RABGAP1: variants seen among roughly 807,000 people sequenced by gnomAD.
RABGAP1 encodes RAB GTPase activating protein 1, also known as rab GTPase-activating protein 1.
Under a neutral mutation model 137.6 loss-of-function variants are expected in RABGAP1, and 23 were observed. The ratio of observed to expected loss-of-function variants is 0.17; its 90% CI spans 0.12 to 0.24. The LOEUF is 0.24. Among genes scored for constraint, RABGAP1 ranks in the 10% least tolerant of loss-of-function variants. RABGAP1 has a pLI of 1.00. For synonymous variants in RABGAP1, 451 were observed against 450.7 expected (o/e 1.00, Z -0.01); for missense variants, 906 against 1,275.8 (o/e 0.71, Z 4.42).
chr9:122,938,043 A>C (rs1178191575), upstream of RABGAP1: 1 of 152,212 alleles, frequency 6.6e-6, no homozygotes, highest in Non-Finnish European at 1.5e-5. Context: ...AACTGAAATG[A>C]AAAATTTACA....
At chr9:123,016,983 AT>A (rs1416287896) in intron 12 of RABGAP1, among the ~76,000 whole-genome samples, 2 of 152,232 alleles carry the variant, frequency 1.3e-5, no homozygotes, top group Non-Finnish European at 1.5e-5. Flanking sequence ...CCAAAGCACG[AT>A]TTGTCTTTAC....
chr9:123,066,974 A>G (rs1224839898), intron 14 of RABGAP1, among the ~76,000 whole-genome samples: 2 of 152,058 alleles, frequency 1.3e-5, no homozygotes, highest in African/African-American at 4.8e-5. Context: ...CTTTTTTCTA[A>G]AGTACTTTAA....
rs571913986 is a variant in RABGAP1 at position 122,942,366 on chromosome 9, A to G, written c.-50+1273A>G. On this transcript the variant is annotated intron_variant, in intron 1 of 25. Transcript: ENST00000373647. Reference sequence around the variant, plus strand: ...TTTAATATGTATTGAAGACTTAACTAGAGCTTACTTATGAAAACTGAAAAT... The same window carrying G: ...TTTAATATGTATTGAAGACTTAACTGGAGCTTACTTATGAAAACTGAAAAT... Among the ~76,000 whole-genome samples the G allele has an allele frequency of 2.3e-4, 35 of 152,330 alleles. No homozygotes were observed. The South Asian group carries it at 6.4e-3, about 28-fold the overall frequency.
the RABGAP1 span, among the ~76,000 whole-genome samples, chr9:122,931,691 T>C: frequency 1.3e-5 from 2 of 152,210 alleles, no homozygotes; most frequent in Non-Finnish European, 2.9e-5. Context: ...GGCACCGTAC[T>C]CTGGGCACTA....
intron 17 of RABGAP1, among the ~76,000 whole-genome samples, chr9:123,075,303 A>G (rs1004887188): frequency 2.0e-5 from 3 of 152,148 alleles, no homozygotes; most frequent in African/African-American, 7.2e-5. Flanking sequence ...TATATATATT[A>G]TGGTTCTCCT....
chr9:122,979,726 A>T (rs1462964698), intron 2 of RABGAP1, among the ~76,000 whole-genome samples: 1 of 152,178 alleles, frequency 6.6e-6, no homozygotes, highest in Admixed American at 6.5e-5. Flanking sequence ...CACTTTCTCC[A>T]TTTAATAACC....
At chr9:122,933,714 T>C in the RABGAP1 span, among the ~76,000 whole-genome samples, 1 of 152,012 alleles carries the variant, frequency 6.6e-6, no homozygotes, top group East Asian at 1.9e-4. Context: ...AACCTCCACC[T>C]CCTGGGTTCA....
At chr9:123,013,697 C>T (rs2031002223) in intron 11 of RABGAP1, among the ~76,000 whole-genome samples, 2 of 152,148 alleles carry the variant, frequency 1.3e-5, no homozygotes, top group Non-Finnish European at 2.9e-5. Flanking sequence ...CTATCATCTT[C>T]TGTGTCTCAC....
chr9:123,084,527 T>G (rs2034809795), intron 19 of RABGAP1, among the ~76,000 whole-genome samples: 1 of 152,222 alleles, frequency 6.6e-6, no homozygotes, highest in Non-Finnish European at 1.5e-5. Flanking sequence ...GAGATTCTGA[T>G]TTTGGCAACA....
At chr9:122,988,868 A>C (rs893499344) in intron 4 of RABGAP1, among the ~76,000 whole-genome samples, 2 of 151,224 alleles carry the variant, frequency 1.3e-5, no homozygotes, top group Admixed American at 6.6e-5. Context: ...ACTTGAACCC[A>C]GGAGGCGGAG....
intron 19 of RABGAP1, among the ~76,000 whole-genome samples, chr9:123,081,817 C>T (rs79365904): frequency 0.015 from 2,265 of 152,292 alleles, 35 homozygotes; most frequent in South Asian, 0.066. Context: ...CTTATTTCTT[C>T]CTCACAATAC....
chr9:123,075,046 T>A (rs2034469324), intron 17 of RABGAP1, among the ~76,000 whole-genome samples: 1 of 152,154 alleles, frequency 6.6e-6, no homozygotes. Context: ...TAAATAACAG[T>A]CTTTGCCATG....
rs748103110 is a variant in RABGAP1 at position 123,034,620 on chromosome 9, A to G, written c.1794+14161A>G. On this transcript the variant is annotated intron_variant, in intron 13 of 25. Transcript: ENST00000373647. ...GCAGCCACCCTTTTTGCCTCTTGGC[A>G]TTTGGCTATTTGGAAACTGTCAATT... 5 of 1,613,636 alleles carry G rather than the reference A, an allele frequency of 3.1e-6. No individual in the cohort carries two copies. In the East Asian group the frequency reaches 8.9e-5, roughly 29 times the overall value.
At chr9:122,995,393 A>G (rs1836962530) in intron 6 of RABGAP1, among the ~76,000 whole-genome samples, 1 of 152,184 alleles carries the variant, frequency 6.6e-6, no homozygotes, top group Non-Finnish European at 1.5e-5. Context: ...TGTAAAGCCC[A>G]GTGATAAATA....
chr9:123,067,283 TTC>T (rs2034207342), intron 14 of RABGAP1, among the ~76,000 whole-genome samples: 1 of 152,254 alleles, frequency 6.6e-6, no homozygotes, highest in Admixed American at 6.5e-5. Flanking sequence ...CTTAGCTTCA[TTC>T]TCTCTCTTCA....
At chr9:122,945,113 C>T (rs1361027846) in intron 1 of RABGAP1, among the ~76,000 whole-genome samples, 1 of 129,862 alleles carries the variant, frequency 7.7e-6, no homozygotes, top group African/African-American at 2.8e-5. Flanking sequence ...GTGAGTATGC[C>T]TGGAAAAACA....
rs139149406 is a variant in RABGAP1 at position 122,961,661 on chromosome 9, G to A, written c.150+4452G>A. On this transcript the variant is annotated intron_variant, in intron 2 of 25. Coordinates refer to ENST00000373647, the MANE Select transcript of RABGAP1 (RefSeq NM_012197.4). ...CATATTTTCTCCTTTTCTCTTTTGTGTTGTGTATATATCATGTGTATCTAT... is the reference window on the plus strand; with the variant it reads ...CATATTTTCTCCTTTTCTCTTTTGTATTGTGTATATATCATGTGTATCTAT... Among the ~76,000 whole-genome samples the A allele has an allele frequency of 2.0e-4, 31 of 152,238 alleles. No homozygotes were observed. The East Asian group carries it at 5.6e-3, about 27-fold the overall frequency.
intron 25 of RABGAP1, among the ~76,000 whole-genome samples, chr9:123,102,297 G>A (rs1273372900): frequency 3.3e-5 from 5 of 152,100 alleles, no homozygotes; most frequent in African/African-American, 1.2e-4. Context: ...AAGAAGTTAG[G>A]GCTTGTTTTG....
chr9:123,057,266 G>C (rs1218466670), intron 13 of RABGAP1, among the ~76,000 whole-genome samples: 3 of 151,180 alleles, frequency 2.0e-5, no homozygotes, highest in African/African-American at 7.3e-5. Flanking sequence ...TGGGGCGGCT[G>C]CTGGGCGGAG....
Sources: allele counts gnomAD v4.1 joint callset (sites outside exome capture counted in the v4.1 genomes callset), GRCh38; gene constraint gnomAD v4.1.1; transcripts MANE v1.5; gene names NCBI Gene and HGNC (gene_info 2026-07-23, HGNC 2026-07-21).